Variants in DTWD2 observed in about 807,000 individuals in gnomAD.
DTWD2 encodes tRNA-uridine aminocarboxypropyltransferase 2.
DTWD2 carries 39 observed loss-of-function variants against 31.8 expected under a neutral mutation model. That is an observed-to-expected ratio of 1.22 (90% CI 0.95 to 1.60). The LOEUF is 1.60. Ranked by LOEUF, DTWD2 falls within the 40% of genes most tolerant of loss-of-function variation. The probability of loss-of-function intolerance (pLI) is 0.00; values close to 1 mark genes in which losing one functional copy is unlikely to be tolerated. For synonymous variants in DTWD2, 180 were observed against 142.8 expected (o/e 1.26, Z -1.86); for missense variants, 515 against 381.5 (o/e 1.35, Z -2.92).
intron 4 of DTWD2, among the ~76,000 whole-genome samples, chr5:118,875,663 A>C (rs1232254675): frequency 6.6e-6 from 1 of 152,130 alleles, no homozygotes. Context: ...AACAAGAGCT[A>C]ACTATCCTAA....
intron 4 of DTWD2, among the ~76,000 whole-genome samples, chr5:118,886,586 A>C (rs1300839230): frequency 6.6e-6 from 1 of 152,230 alleles, no homozygotes; most frequent in African/African-American, 2.4e-5. Context: ...AAATTCATAT[A>C]GAAGTGAGGG....
chr5:118,949,372 C>A (rs1754408722), intron 1 of DTWD2, among the ~76,000 whole-genome samples: 1 of 152,054 alleles, frequency 6.6e-6, no homozygotes. Context: ...GTAAAGGAAG[C>A]ATGCTTGAGA....
At chr5:118,900,638 A>T (rs1397077419) in intron 4 of DTWD2, among the ~76,000 whole-genome samples, 1 of 152,202 alleles carries the variant, frequency 6.6e-6, no homozygotes, top group Admixed American at 6.5e-5. Flanking sequence ...AATGACTCAA[A>T]ATCAAGGGCC....
intron 5 of DTWD2, among the ~76,000 whole-genome samples, chr5:118,842,289 G>A (rs1386174961): frequency 6.6e-6 from 1 of 151,998 alleles, no homozygotes; most frequent in Non-Finnish European, 1.5e-5. Flanking sequence ...ATTCACTAAT[G>A]ACCCAATCTA....
At chr5:118,963,484 G>T (rs969228991) in intron 1 of DTWD2, among the ~76,000 whole-genome samples, 1 of 152,216 alleles carries the variant, frequency 6.6e-6, no homozygotes, top group Admixed American at 6.5e-5. Flanking sequence ...GGACTGACCT[G>T]CAGGACTTGG....
At chr5:118,961,281 C>T (rs1049150049) in intron 1 of DTWD2, among the ~76,000 whole-genome samples, 6 of 152,190 alleles carry the variant, frequency 3.9e-5, no homozygotes, top group African/African-American at 1.4e-4. Context: ...CTATTACTTA[C>T]TTCCTTTCTT....
At chr5:118,920,486 T>C (rs948741380) in intron 4 of DTWD2, among the ~76,000 whole-genome samples, 2 of 152,132 alleles carry the variant, frequency 1.3e-5, no homozygotes, top group African/African-American at 4.8e-5. Context: ...GGGGCAGAGA[T>C]TAACTTTTGC....
chr5:118,951,909 T>C (rs569708756), intron 1 of DTWD2, among the ~76,000 whole-genome samples: 17 of 152,254 alleles, frequency 1.1e-4, no homozygotes, highest in African/African-American at 3.9e-4. Context: ...CCCGCGTGAT[T>C]AAACACAAAG....
intron 4 of DTWD2, among the ~76,000 whole-genome samples, chr5:118,912,864 T>A (rs1040706552): frequency 6.6e-6 from 1 of 152,240 alleles, no homozygotes; most frequent in African/African-American, 2.4e-5. Flanking sequence ...ATGTATGGAT[T>A]AATCAGTGAA....
At position 118,841,106 on chromosome 5, in the gene DTWD2, C is replaced by A; in HGVS notation, c.727-19G>T. The A allele has an allele frequency of 6.3e-7, 1 of 1,591,056 alleles. No homozygotes were observed. The highest frequency in any genetic ancestry group is 1.1e-5 in the South Asian group (1 of 88,004). On this transcript the variant is annotated intron_variant, in intron 5 of 5. Coordinates refer to ENST00000510708, the MANE Select transcript of DTWD2 (RefSeq NM_173666.4). ...GCAAAGTCTGTCAAGAGAAAAAAGA[C>A]ACTAAAAAAGTATCTGTGACAAATC...
intron 4 of DTWD2, among the ~76,000 whole-genome samples, chr5:118,911,767 A>G (rs750764326): frequency 3.9e-5 from 6 of 152,206 alleles, no homozygotes; most frequent in Non-Finnish European, 5.9e-5. Flanking sequence ...AACTCAAATA[A>G]TATCAACAGG....
At chr5:118,869,893 G>A (rs374508418) in intron 4 of DTWD2, among the ~76,000 whole-genome samples, 18 of 152,238 alleles carry the variant, frequency 1.2e-4, no homozygotes, top group African/African-American at 3.1e-4. Context: ...GTTGGATCAC[G>A]GAGGCAGATA....
chr5:118,853,310 T>C (rs1003315115), intron 4 of DTWD2, among the ~76,000 whole-genome samples: 1 of 152,164 alleles, frequency 6.6e-6, no homozygotes, highest in African/African-American at 2.4e-5. Context: ...AGAATGTAAA[T>C]TAGTTCAGCC....
chr5:118,937,624 C>T (rs566451842), intron 3 of DTWD2, among the ~76,000 whole-genome samples: 1 of 152,252 alleles, frequency 6.6e-6, no homozygotes, highest in Non-Finnish European at 1.5e-5. Context: ...AGGTCAATAC[C>T]AGAGTCATAT....
intron 1 of DTWD2, among the ~76,000 whole-genome samples, chr5:118,953,405 A>T (rs1754510061): frequency 6.6e-6 from 1 of 152,234 alleles, no homozygotes; most frequent in African/African-American, 2.4e-5. Context: ...TAAACAACAA[A>T]GCTATGGACA....
At chr5:118,959,789 C>T (rs997248228) in intron 1 of DTWD2, among the ~76,000 whole-genome samples, 2 of 151,672 alleles carry the variant, frequency 1.3e-5, no homozygotes, top group African/African-American at 4.8e-5. Context: ...AGAGTAAAGC[C>T]ACATACCTAC....
intron 1 of DTWD2, among the ~76,000 whole-genome samples, chr5:118,978,746 C>T (rs1345579183): frequency 2.0e-5 from 3 of 152,146 alleles, no homozygotes; most frequent in Non-Finnish European, 4.4e-5. Context: ...TGGCTCACAC[C>T]TGTAATCCCA....
intron 1 of DTWD2, among the ~76,000 whole-genome samples, chr5:118,965,975 GA>G (rs955663912): frequency 5.3e-4 from 75 of 142,244 alleles, no homozygotes; most frequent in Admixed American, 9.0e-4. Context: ...AAAAGAAAAA[GA>G]AAAAAAAAAA....
chr5:118,975,918 T>C (rs964715401), intron 1 of DTWD2, among the ~76,000 whole-genome samples: 1 of 152,200 alleles, frequency 6.6e-6, no homozygotes, highest in Non-Finnish European at 1.5e-5. Context: ...ATCACACTTA[T>C]TCTAAAATTG....
Sources: gnomAD v4.1 joint callset for allele counts (sites outside exome capture counted in the v4.1 genomes callset) on GRCh38, gnomAD v4.1.1 for gene constraint, MANE v1.5 for transcripts, NCBI Gene and HGNC (gene_info 2026-07-23, HGNC 2026-07-21) for gene names.